The following DTX4 variants were observed in gnomAD, a reference collection of about 807,000 sequenced individuals.
The protein encoded by DTX4 is E3 ubiquitin-protein ligase DTX4.
In DTX4, 28 loss-of-function variants were observed where a neutral mutation model predicts 57.6. The observed-to-expected ratio is 0.49, with a 90% CI of 0.36 to 0.67. DTX4 has a LOEUF of 0.67. Among genes scored for constraint, DTX4 ranks in the 30% least tolerant of loss-of-function variants. The probability of loss-of-function intolerance (pLI) is 0.00; values close to 1 mark genes in which losing one functional copy is unlikely to be tolerated. For missense variants in DTX4, 715 were observed against 836.8 expected, an observed-to-expected ratio of 0.85 and a Z score of 1.80; for synonymous variants, 316 against 331.0, an observed-to-expected ratio of 0.95 and a Z score of 0.49.
chr11:59,183,992 GCCT>G (rs943382582), intron 2 of DTX4, among the ~76,000 whole-genome samples: 14 of 152,320 alleles, frequency 9.2e-5, no homozygotes, highest in Non-Finnish European at 2.1e-4. Context: ...CCAGGTTTTG[GCCT>G]CCTGATCCAC....
Position 59,205,229 on chromosome 11 carries a change from T to G in DTX4, c.*320T>G. On this transcript the variant is annotated 3_prime_UTR_variant, in exon 9 of 9. Transcript: ENST00000227451. ...CAAGTAGGGGCATGGTCAGCACACC[T>G]AGGGTATGGGCAGTGCTTAGGCACT... is the stretch of plus-strand genomic sequence containing the variant. The G allele has an allele frequency of 6.0e-6, 2 of 333,548 alleles. No homozygotes were observed. Among genetic ancestry groups the G allele is most frequent in the East Asian group, 6.6e-5 (1 of 15,152 alleles). The allele number at this position is 333,548 out of a possible 1,614,324, so 20.7% of individuals were successfully genotyped here.
chr11:59,189,447 T>A (rs1862569757), intron 4 of DTX4, 124 bp downstream of exon 4: 1 of 916,952 alleles, frequency 1.1e-6, no homozygotes, highest in African/African-American at 1.7e-5. Flanking sequence ...TCTGCATCTG[T>A]AAGTGGGCCT....
At chr11:59,188,272 A>G (rs926582607) in intron 2 of DTX4, among the ~76,000 whole-genome samples, 1 of 152,176 alleles carries the variant, frequency 6.6e-6, no homozygotes, top group Non-Finnish European at 1.5e-5. Flanking sequence ...GGTGGGTAGC[A>G]ATATTCAATA....
intron 2 of DTX4, among the ~76,000 whole-genome samples, chr11:59,186,440 C>T (rs1052361258): frequency 2.0e-5 from 3 of 152,156 alleles, no homozygotes; most frequent in Non-Finnish European, 2.9e-5. Flanking sequence ...AGGTGCAGGT[C>T]TGGGTTCTGA....
intron 1 of DTX4, among the ~76,000 whole-genome samples, chr11:59,176,129 G>A (rs1055877213): frequency 5.3e-5 from 8 of 152,090 alleles, no homozygotes; most frequent in African/African-American, 1.9e-4. Context: ...AAAGAGCATG[G>A]GCTGAATTAA....
chr11:59,197,422 G>C (rs1204821418), intron 7 of DTX4, among the ~76,000 whole-genome samples: 3 of 152,164 alleles, frequency 2.0e-5, no homozygotes, highest in African/African-American at 4.8e-5. Context: ...CAAGGAAGTA[G>C]AGGGAGGAAG....
At chr11:59,189,488 C>T (rs1565218762) in intron 4 of DTX4, among the ~76,000 whole-genome samples, 165 bp downstream of exon 4, 1 of 152,122 alleles carries the variant, frequency 6.6e-6, no homozygotes, top group East Asian at 1.9e-4. Context: ...TATACCACAG[C>T]TGATGTGTAT....
At chr11:59,203,661 G>A (rs1375622046) in intron 8 of DTX4, among the ~76,000 whole-genome samples, 1 of 152,184 alleles carries the variant, frequency 6.6e-6, no homozygotes, top group Non-Finnish European at 1.5e-5. Context: ...CTACAATAAT[G>A]ATTAAAAGTA....
chr11:59,197,411 G>C (rs550262689), intron 7 of DTX4, among the ~76,000 whole-genome samples: 1 of 152,102 alleles, frequency 6.6e-6, no homozygotes, highest in East Asian at 1.9e-4. Flanking sequence ...CTCAAGACTC[G>C]CAAGGAAGTA....
At position 59,205,045 on chromosome 11, in the gene DTX4, T is replaced by G; in HGVS notation, c.*136T>G. On this transcript the variant is annotated 3_prime_UTR_variant, in exon 9 of 9. Coordinates refer to ENST00000227451, the MANE Select transcript of DTX4 (RefSeq NM_015177.2). ...TCCCCTCCTGCCCTGTGTCCATCCC[T>G]CATCCCTCCCAACCACAGTGGGAGC... 2.8e-6 allele frequency: 2 copies of G among 714,190 alleles called. No individual in the cohort carries two copies. Among genetic ancestry groups the G allele is most frequent in the South Asian group, 3.6e-5 (2 of 56,328 alleles). The allele number at this position is 714,190 out of a possible 1,614,324, so 44.2% of individuals were successfully genotyped here.
chr11:59,179,660 C>T (rs1345637929), intron 1 of DTX4, among the ~76,000 whole-genome samples: 1 of 152,210 alleles, frequency 6.6e-6, no homozygotes, highest in Non-Finnish European at 1.5e-5. Context: ...GTCAGCATAT[C>T]CTCATTCTTC....
intron 2 of DTX4, among the ~76,000 whole-genome samples, chr11:59,184,137 A>T (rs1862498926): frequency 6.6e-6 from 1 of 152,222 alleles, no homozygotes; most frequent in South Asian, 2.1e-4. Flanking sequence ...CAGAGAATGG[A>T]TGGCTAAACC....
chr11:59,172,714 C>CG lies in DTX4; in HGVS notation c.125dup (p.Ser43GlnfsTer76), dbSNP rs757976768. ...GCGGTGGTCCGCGCCGGCCCCCGCG[C>CG]GGGGGGCAGCGTGGTGCTGGGCCAG... On this transcript the variant is annotated frameshift_variant, in exon 1 of 9. Coordinates refer to ENST00000227451, the MANE Select transcript of DTX4 (RefSeq NM_015177.2). LOFTEE classifies it high-confidence loss of function. 8 of 1,602,650 alleles carry CG rather than the reference C, an allele frequency of 5.0e-6. No homozygotes were observed. Among genetic ancestry groups the CG allele is most frequent in the Non-Finnish European group, 1.7e-6 (2 of 1,176,296 alleles).
intron 2 of DTX4, among the ~76,000 whole-genome samples, chr11:59,185,057 G>A (rs1050681162): frequency 3.9e-5 from 6 of 152,174 alleles, no homozygotes; most frequent in Non-Finnish European, 8.8e-5. Context: ...GGGAGGAGTG[G>A]GATGAAGAGA....
chr11:59,197,846 C>T (rs145658464), intron 7 of DTX4, among the ~76,000 whole-genome samples: 1 of 152,288 alleles, frequency 6.6e-6, no homozygotes, highest in Non-Finnish European at 1.5e-5. Context: ...AGCAGTAGAA[C>T]AGACTGAAGC....
intron 5 of DTX4, among the ~76,000 whole-genome samples, chr11:59,191,527 T>C (rs758675497): frequency 2.0e-5 from 3 of 152,196 alleles, no homozygotes; most frequent in Non-Finnish European, 4.4e-5. Context: ...TGAGGGAACA[T>C]TTGGCCATGT....
At chr11:59,195,095 C>A in intron 6 of DTX4, 113 bp from the exon 7 acceptor site, 2 of 1,085,472 alleles carry the variant, frequency 1.8e-6, no homozygotes, top group Non-Finnish European at 2.8e-6. Flanking sequence ...TATCACTCAC[C>A]AGGGTGCATT....
At position 59,189,145 on chromosome 11, in the gene DTX4, T is replaced by C. The variant is rs756340014; in HGVS notation, c.998-17T>C. 7.4e-6 allele frequency: 12 copies of C among 1,612,574 alleles called. No individual in the cohort carries two copies. Among genetic ancestry groups the C allele is most frequent in the South Asian group, 1.1e-5 (1 of 90,950 alleles). ...TAAGTCTCCAGTCTTTCCTCACCCATGCCCTGCCCCTTCCAGGAATCACTG... is the reference window on the plus strand; with the variant it reads ...TAAGTCTCCAGTCTTTCCTCACCCACGCCCTGCCCCTTCCAGGAATCACTG... On this transcript the variant is annotated splice_polypyrimidine_tract_variant and intron_variant, in intron 3 of 8. Transcript: ENST00000227451.
At chr11:59,188,113 A>G (rs536014538) in intron 2 of DTX4, among the ~76,000 whole-genome samples, 3 of 152,224 alleles carry the variant, frequency 2.0e-5, no homozygotes, top group Non-Finnish European at 4.4e-5. Flanking sequence ...ACAAATATCA[A>G]TTGAATGCCT....
Sources: gnomAD v4.1 joint callset for allele counts (sites outside exome capture counted in the v4.1 genomes callset) on GRCh38, gnomAD v4.1.1 for gene constraint, MANE v1.5 for transcripts, NCBI Gene and HGNC (gene_info 2026-07-23, HGNC 2026-07-21) for gene names.